APBB1IP: variants seen among roughly 807,000 people sequenced by gnomAD.
APBB1IP encodes amyloid beta precursor protein binding family B member 1 interacting protein, also known as amyloid beta A4 precursor protein-binding family B member 1-interacting protein.
Under a neutral mutation model 64.9 loss-of-function variants are expected in APBB1IP, and 27 were observed. The ratio of observed to expected loss-of-function variants is 0.42; its 90% CI spans 0.31 to 0.57. The LOEUF (loss-of-function observed/expected upper bound fraction) is 0.57. Among genes scored for constraint, APBB1IP ranks in the 20% least tolerant of loss-of-function variants. The pLI, the probability that APBB1IP is intolerant of heterozygous loss-of-function variation, is 0.20. For synonymous variants in APBB1IP, 392 were observed against 331.0 expected, an observed-to-expected ratio of 1.18 and a Z score of -2.00; for missense variants, 812 against 845.5, an observed-to-expected ratio of 0.96 and a Z score of 0.49.
intron 11 of APBB1IP, among the ~76,000 whole-genome samples, chr10:26,544,087 T>C (rs1249447415): frequency 6.6e-6 from 1 of 152,216 alleles, no homozygotes; most frequent in Non-Finnish European, 1.5e-5. Flanking sequence ...GCAGTGCGGC[T>C]CAGAGGCCGT....
rs572341621 is a variant in APBB1IP at position 26,544,922 on chromosome 10, G to GA, written c.1155+3231dup. ...GAGTTGAGGATCTCCCCAAAGGAGAGAGGGGGCTCAGAGGTGGAGAAACCA... is the reference window on the plus strand; with the variant it reads ...GAGTTGAGGATCTCCCCAAAGGAGAGAAGGGGGCTCAGAGGTGGAGAAACCA... On this transcript the variant is annotated intron_variant, in intron 11 of 14. Coordinates refer to ENST00000376236, the MANE Select transcript of APBB1IP (RefSeq NM_019043.4). Among the ~76,000 whole-genome samples, 20 of 152,354 alleles carry GA rather than the reference G, an allele frequency of 1.3e-4. No individual in the cohort carries two copies. In the East Asian group the frequency reaches 3.5e-3, roughly 26 times the overall value.
chr10:26,531,654 G>A (rs1292010166), intron 8 of APBB1IP, among the ~76,000 whole-genome samples: 8 of 145,782 alleles, frequency 5.5e-5, no homozygotes, highest in Middle Eastern at 3.3e-3. Context: ...GTGACAGAGC[G>A]AGACCCCGTC....
chr10:26,495,929 ATATT>A (rs934920124), intron 3 of APBB1IP, among the ~76,000 whole-genome samples: 4 of 142,680 alleles, frequency 2.8e-5, no homozygotes, highest in Non-Finnish European at 6.0e-5. Flanking sequence ...TATATAATAT[ATATT>A]TAATATATAT....
chr10:26,515,051 T>TTG (rs1554777130), intron 8 of APBB1IP, among the ~76,000 whole-genome samples: 4 of 150,298 alleles, frequency 2.7e-5, no homozygotes, highest in Non-Finnish European at 4.4e-5. Flanking sequence ...TTTTTTTTTT[T>TTG]TTTTGTATTT....
At chr10:26,447,594 T>C (rs1388021801) in intron 2 of APBB1IP, among the ~76,000 whole-genome samples, 1 of 152,168 alleles carries the variant, frequency 6.6e-6, no homozygotes, top group Non-Finnish European at 1.5e-5. Context: ...TTGAGTCAAA[T>C]ACTGAGGCGC....
At chr10:26,561,177 T>C (rs887585444) in intron 13 of APBB1IP, among the ~76,000 whole-genome samples, 3 of 144,846 alleles carry the variant, frequency 2.1e-5, no homozygotes, top group Admixed American at 7.0e-5. Flanking sequence ...CACACCGTTC[T>C]CCTGCCTCAG....
rs144339725 is a variant in APBB1IP at position 26,543,090 on chromosome 10, C to T, written c.1155+1398C>T. ...AGAAACCTGCCCTAGACAGAAGAGC[C>T]CCAGAATAATGACTGTGAAAGCACT... is the stretch of plus-strand genomic sequence containing the variant. On this transcript the variant is annotated intron_variant, in intron 11 of 14. Transcript: ENST00000376236. Among the ~76,000 whole-genome samples, 803 of 151,036 alleles carry T rather than the reference C, an allele frequency of 5.3e-3. 7 individuals carry two copies. The highest frequency in any genetic ancestry group is 0.019 in the African/African-American group (777 of 41,056).
At chr10:26,562,069 C>A in intron 13 of APBB1IP, 1 of 383,896 alleles carries the variant, frequency 2.6e-6, no homozygotes, top group Non-Finnish European at 4.9e-6. Context: ...ACCGTACTCA[C>A]CTTCCTGATC....
At chr10:26,501,197 A>G in intron 5 of APBB1IP, 86 bp downstream of exon 5, 1 of 1,565,758 alleles carries the variant, frequency 6.4e-7, no homozygotes, top group Non-Finnish European at 8.8e-7. Flanking sequence ...TACATTCCTA[A>G]GTTGGTACAT....
intron 2 of APBB1IP, among the ~76,000 whole-genome samples, chr10:26,471,099 A>C (rs1469758689): frequency 6.6e-6 from 1 of 152,150 alleles, no homozygotes; most frequent in East Asian, 1.9e-4. Flanking sequence ...TTAAAAAAAA[A>C]CTAAAGCACT....
intron 11 of APBB1IP, among the ~76,000 whole-genome samples, chr10:26,552,786 G>GCA (rs1836848192): frequency 6.6e-6 from 1 of 152,114 alleles, no homozygotes; most frequent in African/African-American, 2.4e-5. Context: ...CTCCAACGTG[G>GCA]CCTCTGGAAC....
Position 26,452,176 on chromosome 10 carries a change from C to A in APBB1IP, c.-1+13323C>A, listed in dbSNP as rs552801796. On this transcript the variant is annotated intron_variant, in intron 2 of 14. Coordinates refer to ENST00000376236, the MANE Select transcript of APBB1IP (RefSeq NM_019043.4). Reference sequence around the variant, plus strand: ...CAAAAAAAAGTGTGTTTATTCCTTTCCTAAAAACAAATAAAACCTTAAAAA... The same window carrying A: ...CAAAAAAAAGTGTGTTTATTCCTTTACTAAAAACAAATAAAACCTTAAAAA... Among the ~76,000 whole-genome samples the A allele has an allele frequency of 1.1e-4, 17 of 151,958 alleles. No individual in the cohort carries two copies. In the East Asian group the frequency reaches 3.3e-3, roughly 29 times the overall value.
chr10:26,521,898 G>A (rs2132453577), intron 8 of APBB1IP, among the ~76,000 whole-genome samples: 1 of 152,154 alleles, frequency 6.6e-6, no homozygotes, highest in Admixed American at 6.5e-5. Context: ...TTACAGGCAT[G>A]CGCCACCATG....
intron 11 of APBB1IP, among the ~76,000 whole-genome samples, chr10:26,547,225 C>T (rs1836777142): frequency 6.6e-6 from 1 of 152,076 alleles, no homozygotes; most frequent in South Asian, 2.1e-4. Flanking sequence ...CGTCTTTTGT[C>T]CATTTTTTAA....
chr10:26,476,151 C>T (rs1003035184), intron 2 of APBB1IP, among the ~76,000 whole-genome samples: 4 of 151,892 alleles, frequency 2.6e-5, no homozygotes, highest in East Asian at 1.9e-4. Flanking sequence ...CTCCGCCTCC[C>T]GGGTTCAATC....
At chr10:26,466,615 A>G (rs1286926770) in intron 2 of APBB1IP, among the ~76,000 whole-genome samples, 2 of 152,312 alleles carry the variant, frequency 1.3e-5, no homozygotes, top group East Asian at 3.9e-4. Context: ...AGCCTGCGCA[A>G]CATAGCAAGA....
chr10:26,531,195 G>A (rs1194071230), intron 8 of APBB1IP, among the ~76,000 whole-genome samples: 1 of 151,986 alleles, frequency 6.6e-6, no homozygotes. Context: ...AGTTAGCTGG[G>A]CATGGTGGTG....
chr10:26,531,895 A>G (rs1304752797), intron 8 of APBB1IP, among the ~76,000 whole-genome samples: 1 of 152,150 alleles, frequency 6.6e-6, no homozygotes, highest in Non-Finnish European at 1.5e-5. Context: ...GCAGTGAGCT[A>G]TGATCATGTG....
At chr10:26,446,891 A>AG (rs1564346876) in intron 2 of APBB1IP, among the ~76,000 whole-genome samples, 15,953 of 150,442 alleles carry the variant, frequency 0.11, 962 homozygotes, top group East Asian at 0.17. Flanking sequence ...GATAGATAGA[A>AG]ATAGATAGAT....
Sources: allele counts gnomAD v4.1 joint callset (sites outside exome capture counted in the v4.1 genomes callset), GRCh38; gene constraint gnomAD v4.1.1; transcripts MANE v1.5; gene names NCBI Gene and HGNC (gene_info 2026-07-23, HGNC 2026-07-21).